AGMO: variants seen among roughly 807,000 people sequenced by gnomAD.
AGMO encodes the protein alkylglycerol monooxygenase.
In AGMO, 75 loss-of-function variants were observed where a neutral mutation model predicts 60.2. That is an observed-to-expected ratio of 1.25 (90% CI 1.03 to 1.51). The LOEUF is 1.51. AGMO is among the 40% of genes most tolerant of loss of function. The probability of loss-of-function intolerance (pLI) is 0.00; values close to 1 mark genes in which losing one functional copy is unlikely to be tolerated. For synonymous variants in AGMO, 261 were observed against 177.1 expected, an observed-to-expected ratio of 1.47 and a Z score of -3.76; for missense variants, 763 against 525.5, an observed-to-expected ratio of 1.45 and a Z score of -4.42.
chr7:15,361,179 T>C (rs778013205), intron 12 of AGMO, among the ~76,000 whole-genome samples: 9 of 152,114 alleles, frequency 5.9e-5, no homozygotes, highest in Non-Finnish European at 1.2e-4. Flanking sequence ...AATGGTGTCT[T>C]TGACTGAAAC....
intron 3 of AGMO, among the ~76,000 whole-genome samples, chr7:15,529,004 G>A (rs752616390): frequency 6.6e-6 from 1 of 151,882 alleles, no homozygotes; most frequent in Non-Finnish European, 1.5e-5. Flanking sequence ...TAAGAAAGTG[G>A]GGTTATGGCA....
At chr7:15,516,871 A>T (rs1486771093) in intron 3 of AGMO, among the ~76,000 whole-genome samples, 1 of 151,964 alleles carries the variant, frequency 6.6e-6, no homozygotes, top group Non-Finnish European at 1.5e-5. Flanking sequence ...GCAGGATGGG[A>T]GGATGAGGGG....
At chr7:15,368,916 T>A (rs1276200536) in intron 10 of AGMO, among the ~76,000 whole-genome samples, 2 of 152,028 alleles carry the variant, frequency 1.3e-5, no homozygotes, top group Non-Finnish European at 2.9e-5. Context: ...CTAGTCAACA[T>A]CTCTAACTGG....
intron 12 of AGMO, among the ~76,000 whole-genome samples, chr7:15,333,419 A>G (rs1386368048): frequency 6.6e-6 from 1 of 152,174 alleles, no homozygotes; most frequent in Non-Finnish European, 1.5e-5. Flanking sequence ...TTTTAACAAA[A>G]CAAACACCTT....
intron 3 of AGMO, among the ~76,000 whole-genome samples, chr7:15,494,312 G>A (rs1444259155): frequency 6.6e-6 from 1 of 152,176 alleles, no homozygotes; most frequent in South Asian, 2.1e-4. Context: ...TGTGGCATAT[G>A]TTAAAACTGA....
At chr7:15,216,280 A>T (rs897055050) in intron 12 of AGMO, among the ~76,000 whole-genome samples, 1 of 152,044 alleles carries the variant, frequency 6.6e-6, no homozygotes, top group African/African-American at 2.4e-5. Flanking sequence ...TTGTGATCAA[A>T]CCCTGTCTCT....
intron 9 of AGMO, 56 bp downstream of exon 9, chr7:15,387,350 A>C: frequency 1.3e-6 from 2 of 1,583,964 alleles, no homozygotes; most frequent in Non-Finnish European, 1.7e-6. Context: ...GGCTGGCTGT[A>C]GACCTGACAA....
chr7:15,217,532 T>C (rs554259892), intron 12 of AGMO, among the ~76,000 whole-genome samples: 1 of 152,044 alleles, frequency 6.6e-6, no homozygotes, highest in East Asian at 1.9e-4. Context: ...GGATTAAAAA[T>C]AGAAATAATG....
intron 10 of AGMO, among the ~76,000 whole-genome samples, chr7:15,375,555 C>T (rs1042616282): frequency 1.4e-4 from 22 of 151,930 alleles, no homozygotes; most frequent in African/African-American, 5.3e-4. Flanking sequence ...TGCCACCGCA[C>T]CCAGCTAATT....
At position 15,462,325 on chromosome 7, in the gene AGMO, C is replaced by G. The variant is rs139635569; in HGVS notation, c.410-31217G>C. Among the ~76,000 whole-genome samples, 36 of 152,218 alleles carry G rather than the reference C, an allele frequency of 2.4e-4. No homozygotes were observed. The East Asian group carries it at 5.4e-3, about 23-fold the overall frequency. On this transcript the variant is annotated intron_variant, in intron 3 of 12. Transcript: ENST00000342526. ...AATTTACTTGCTGCAGAGACAGATTCAAGCTTAGAAAAATCTAATAAAAGT... is the reference window on the plus strand; with the variant it reads ...AATTTACTTGCTGCAGAGACAGATTGAAGCTTAGAAAAATCTAATAAAAGT...
intron 3 of AGMO, among the ~76,000 whole-genome samples, chr7:15,495,712 T>C (rs1302887393): frequency 1.3e-5 from 2 of 152,114 alleles, no homozygotes; most frequent in Non-Finnish European, 2.9e-5. Context: ...AAGATCAAGG[T>C]TCTAGCAGAT....
At chr7:15,285,387 A>G (rs532408211) in intron 12 of AGMO, among the ~76,000 whole-genome samples, 1 of 152,282 alleles carries the variant, frequency 6.6e-6, no homozygotes, top group African/African-American at 2.4e-5. Context: ...CTCAGGTTAC[A>G]AAATCAATGT....
chr7:15,171,848 T>A, the AGMO span, among the ~76,000 whole-genome samples: 1 of 152,168 alleles, frequency 6.6e-6, no homozygotes, highest in African/African-American at 2.4e-5. Context: ...ATGCCACAAA[T>A]GTAAGCTGAC....
intron 4 of AGMO, among the ~76,000 whole-genome samples, chr7:15,430,434 G>A (rs1016033693): frequency 9.2e-5 from 14 of 151,660 alleles, no homozygotes; most frequent in African/African-American, 3.4e-4. Context: ...ATTTCCCCAT[G>A]AGTCAAAAGA....
chr7:15,374,885 T>G (rs1430863988), intron 10 of AGMO, among the ~76,000 whole-genome samples: 1 of 151,834 alleles, frequency 6.6e-6, no homozygotes. Flanking sequence ...ATTTGCAGAG[T>G]GTCGGTCAAG....
At chr7:15,344,715 C>G (rs1052882270) in intron 12 of AGMO, among the ~76,000 whole-genome samples, 11 of 152,006 alleles carry the variant, frequency 7.2e-5, no homozygotes, top group Admixed American at 7.2e-4. Context: ...ACAAAAAACC[C>G]AAAAACACGT....
At chr7:15,259,533 A>G (rs1245223755) in intron 12 of AGMO, among the ~76,000 whole-genome samples, 1 of 152,156 alleles carries the variant, frequency 6.6e-6, no homozygotes, top group East Asian at 1.9e-4. Flanking sequence ...AGATCTAGAC[A>G]TCCAAATACA....
intron 3 of AGMO, among the ~76,000 whole-genome samples, chr7:15,517,331 G>A (rs534736958): frequency 4.0e-5 from 6 of 151,446 alleles, no homozygotes; most frequent in African/African-American, 1.2e-4. Context: ...GTGTGTGTGT[G>A]TGTATATACT....
At chr7:15,217,838 T>A (rs944951255) in intron 12 of AGMO, among the ~76,000 whole-genome samples, 3 of 152,060 alleles carry the variant, frequency 2.0e-5, no homozygotes, top group Non-Finnish European at 4.4e-5. Flanking sequence ...TACTGGTATA[T>A]AAATGGCACA....
Sources: allele counts gnomAD v4.1 joint callset (sites outside exome capture counted in the v4.1 genomes callset), GRCh38; gene constraint gnomAD v4.1.1; transcripts MANE v1.5; gene names NCBI Gene and HGNC (gene_info 2026-07-23, HGNC 2026-07-21).